DDAH1: variants seen among roughly 807,000 people sequenced by gnomAD.
DDAH1 encodes the protein dimethylarginine dimethylaminohydrolase 1.
DDAH1 carries 19 observed loss-of-function variants against 28.8 expected under a neutral mutation model. The ratio of observed to expected loss-of-function variants is 0.66; its 90% CI spans 0.46 to 0.97. The LOEUF (loss-of-function observed/expected upper bound fraction) is 0.97. Ranked by LOEUF, DDAH1 falls within the 50% of genes least tolerant of loss-of-function variation. DDAH1 has a pLI of 0.00. For synonymous variants in DDAH1, 153 were observed against 154.4 expected (o/e 0.99, Z 0.07); for missense variants, 326 against 375.9 (o/e 0.87, Z 1.10).
chr1:85,531,088 T>C (rs1658078288), intron 1 of DDAH1, among the ~76,000 whole-genome samples: 2 of 152,014 alleles, frequency 1.3e-5, no homozygotes, highest in South Asian at 4.2e-4. Context: ...GAAAGTCATT[T>C]AATGATATTT....
At chr1:85,342,891 T>G (rs1648591970) in intron 4 of DDAH1, among the ~76,000 whole-genome samples, 1 of 152,198 alleles carries the variant, frequency 6.6e-6, no homozygotes, top group African/African-American at 2.4e-5. Flanking sequence ...TATCAGAATT[T>G]TCTGAGATAA....
At chr1:85,474,080 C>T (rs1293363897) in intron 2 of DDAH1, among the ~76,000 whole-genome samples, 1 of 152,184 alleles carries the variant, frequency 6.6e-6, no homozygotes, top group Non-Finnish European at 1.5e-5. Flanking sequence ...TTGCTTAAGC[C>T]AGTAATCTGA....
intron 2 of DDAH1, among the ~76,000 whole-genome samples, chr1:85,353,645 C>T (rs1292579809): frequency 6.6e-6 from 1 of 151,752 alleles, no homozygotes; most frequent in Non-Finnish European, 1.5e-5. Context: ...AAATAGTCAG[C>T]TACAATGAAA....
At chr1:85,409,527 A>C (rs1282789920) in intron 1 of DDAH1, among the ~76,000 whole-genome samples, 1 of 152,128 alleles carries the variant, frequency 6.6e-6, no homozygotes, top group Non-Finnish European at 1.5e-5. Context: ...TGGTCTGTGG[A>C]GATTCTACGT....
At chr1:85,527,436 G>A (rs1657910911) in intron 1 of DDAH1, among the ~76,000 whole-genome samples, 1 of 152,218 alleles carries the variant, frequency 6.6e-6, no homozygotes, top group South Asian at 2.1e-4. Flanking sequence ...TTGAGAGTTT[G>A]CAAGAAGCCT....
In DDAH1 at chr1:85,564,657, T is replaced by G. The variant is rs570946425; in HGVS notation, c.-123+13327A>C. Among the ~76,000 whole-genome samples the G allele has an allele frequency of 6.0e-5, 9 of 150,616 alleles. No individual in the cohort carries two copies. In the South Asian group the frequency reaches 1.5e-3, roughly 25 times the overall value. On this transcript the variant is annotated intron_variant, in intron 1 of 6. Coordinates refer to the DDAH1 transcript ENST00000426972. ...CCAAAGAAGGCAGATCACTTGAGGT[T>G]AGGAGTTCGAAACCAGCCTGGTCAA...
At chr1:85,328,052 G>T (rs1647520390) in intron 4 of DDAH1, among the ~76,000 whole-genome samples, 1 of 152,246 alleles carries the variant, frequency 6.6e-6, no homozygotes, top group Middle Eastern at 3.4e-3. Context: ...ACAAGGTATG[G>T]TCTATGTCCA....
At chr1:85,387,848 G>A (rs935864768) in intron 1 of DDAH1, among the ~76,000 whole-genome samples, 48 of 152,232 alleles carry the variant, frequency 3.2e-4, no homozygotes, top group African/African-American at 7.9e-4. Context: ...TACAAGAAGC[G>A]TTGCACCAGC....
chr1:85,346,038 T>C (rs1648820603), intron 4 of DDAH1, among the ~76,000 whole-genome samples: 1 of 152,244 alleles, frequency 6.6e-6, no homozygotes, highest in African/African-American at 2.4e-5. Flanking sequence ...ATCCACTTCA[T>C]TAACCAAGAG....
At chr1:85,326,921 T>C (rs1647440952) in intron 4 of DDAH1, among the ~76,000 whole-genome samples, 1 of 152,198 alleles carries the variant, frequency 6.6e-6, no homozygotes, top group African/African-American at 2.4e-5. Flanking sequence ...ATTAACAACA[T>C]ATTCAATTTA....
intron 1 of DDAH1, among the ~76,000 whole-genome samples, chr1:85,560,059 G>C (rs1659096640): frequency 6.6e-6 from 1 of 151,890 alleles, no homozygotes; most frequent in Non-Finnish European, 1.5e-5. Flanking sequence ...ACCAAAAGCA[G>C]CCAGAGAGAA....
intron 1 of DDAH1, chr1:85,379,709 C>T (rs1308670347): frequency 2.0e-6 from 2 of 985,192 alleles, no homozygotes; most frequent in African/African-American, 1.7e-5. Flanking sequence ...CTGAACTGAA[C>T]TTATCTATTT....
chr1:85,349,532 G>A (rs1649070278), intron 4 of DDAH1, among the ~76,000 whole-genome samples: 2 of 152,198 alleles, frequency 1.3e-5, no homozygotes, highest in Admixed American at 1.3e-4. Context: ...GGAAGGGGCT[G>A]CAGTCCTGAC....
At chr1:85,569,702 T>C (rs1436721063) in intron 1 of DDAH1, among the ~76,000 whole-genome samples, 1 of 152,216 alleles carries the variant, frequency 6.6e-6, no homozygotes, top group Non-Finnish European at 1.5e-5. Context: ...TTCTAGTTGC[T>C]TCTCCTGAAC....
At chr1:85,537,396 C>T (rs2795985) in intron 1 of DDAH1, among the ~76,000 whole-genome samples, 6 of 149,980 alleles carry the variant, frequency 4.0e-5, no homozygotes, top group Non-Finnish European at 7.4e-5. Context: ...GAACCTGAAG[C>T]ACATCATATT....
At chr1:85,481,615 A>G (rs1448053143) in intron 2 of DDAH1, among the ~76,000 whole-genome samples, 1 of 152,216 alleles carries the variant, frequency 6.6e-6, no homozygotes, top group Admixed American at 6.5e-5. Flanking sequence ...GTAGTAAGAT[A>G]TAGATCTTTT....
At chr1:85,509,688 A>T (rs575650792) in intron 1 of DDAH1, among the ~76,000 whole-genome samples, 1 of 152,240 alleles carries the variant, frequency 6.6e-6, no homozygotes, top group Non-Finnish European at 1.5e-5. Context: ...ACTTTGTGAC[A>T]TATGCACAAC....
intron 1 of DDAH1, among the ~76,000 whole-genome samples, chr1:85,509,919 G>A (rs1657165486): frequency 6.6e-6 from 1 of 152,110 alleles, no homozygotes; most frequent in African/African-American, 2.4e-5. Flanking sequence ...CACTCTTCAG[G>A]ATATTAACCA....
chr1:85,527,982 T>C (rs1186605152), intron 1 of DDAH1, among the ~76,000 whole-genome samples: 1 of 152,148 alleles, frequency 6.6e-6, no homozygotes, highest in Non-Finnish European at 1.5e-5. Context: ...GTAAATTTGT[T>C]AAAGCTGAAG....
Sources: gnomAD v4.1 joint callset for allele counts (sites outside exome capture counted in the v4.1 genomes callset) on GRCh38, gnomAD v4.1.1 for gene constraint, MANE v1.5 for transcripts, NCBI Gene and HGNC (gene_info 2026-07-23, HGNC 2026-07-21) for gene names.